The following SEC24A variants were observed in gnomAD, a reference collection of about 807,000 sequenced individuals.
SEC24A encodes protein transport protein Sec24A.
Under a neutral mutation model 129.4 loss-of-function variants are expected in SEC24A, and 93 were observed. That is an observed-to-expected ratio of 0.72 (90% confidence interval 0.61 to 0.85). The LOEUF (loss-of-function observed/expected upper bound fraction) is 0.85. Ranked by LOEUF, SEC24A falls within the 40% of genes least tolerant of loss-of-function variation. The pLI is 0.00. For missense variants in SEC24A, 1,264 were observed against 1,307.4 expected (o/e 0.97, Z 0.51); for synonymous variants, 460 against 467.3 (o/e 0.98, Z 0.20).
intron 1 of SEC24A, among the ~76,000 whole-genome samples, chr5:134,651,721 T>G (rs1750057527): frequency 6.6e-6 from 1 of 151,576 alleles, no homozygotes; most frequent in Non-Finnish European, 1.5e-5. Flanking sequence ...GACTCAGCCT[T>G]CCAAAGTGCT....
chr5:134,693,256 T>C, intron 12 of SEC24A: 2 of 1,457,564 alleles, frequency 1.4e-6, no homozygotes, highest in Non-Finnish European at 1.8e-6. Context: ...CCATTAACTC[T>C]ATTTGTACAA....
rs745465998 is a variant in SEC24A at position 134,708,806 on chromosome 5, T to C, written c.2645T>C (p.Val882Ala). 6 of 1,614,166 alleles carry C rather than the reference T, an allele frequency of 3.7e-6. No homozygotes were observed. The highest frequency in any genetic ancestry group is 5.1e-6 in the Non-Finnish European group (6 of 1,180,038). ...TCCCTTTCAGCTTACCGTTCTTCAG[T>C]CTTAAGTAACCAGCAGCCTGGACTC... ...IDSLSAYRSS[V>A]LSNQQPGLMV... The change falls in exon 18 of 23, where the codon GTC (valine) becomes GCC (alanine). Residue 882 changes from valine to alanine, a missense_variant. Physicochemically the swap from Val to Ala is moderately conservative, Grantham distance 64. Transcript: ENST00000398844.
At chr5:134,657,595 GAC>G (rs1483172379) in intron 1 of SEC24A, among the ~76,000 whole-genome samples, 1 of 151,948 alleles carries the variant, frequency 6.6e-6, no homozygotes, top group Non-Finnish European at 1.5e-5. Flanking sequence ...TTTTACTTCT[GAC>G]ACAGGTTCTC....
chr5:134,682,242 C>CAAA, intron 8 of SEC24A, 131 bp from the exon 9 acceptor site: 7 of 420,230 alleles, frequency 1.7e-5, no homozygotes, highest in East Asian at 4.3e-5. Context: ...AACTCTGTCT[C>CAAA]AAAAAAAAAA....
chr5:134,679,702 G>T lies in SEC24A; in HGVS notation c.1355G>T (p.Cys452Phe). The T allele has an allele frequency of 6.3e-7, 1 of 1,592,324 alleles. No individual in the cohort carries two copies. Among genetic ancestry groups the T allele is most frequent in the Non-Finnish European group, 8.6e-7 (1 of 1,166,216 alleles). ...VSFLDQRRWK[C>F]NLCYRVNDVP... Reference sequence around the variant, plus strand: ...TTTCTTGATCAAAGGAGATGGAAGTGTAACTTATGTTATCGAGTCAATGAT... The same window carrying T: ...TTTCTTGATCAAAGGAGATGGAAGTTTAACTTATGTTATCGAGTCAATGAT... Residue 452 changes from cysteine to phenylalanine, a missense_variant, in exon 8 of 23, where the codon TGT (cysteine) becomes TTT (phenylalanine). By Grantham distance (205) the Cys-to-Phe change is radical. Transcript: ENST00000398844.
intron 13 of SEC24A, among the ~76,000 whole-genome samples, chr5:134,696,511 T>G (rs1374297124): frequency 6.6e-6 from 1 of 152,172 alleles, no homozygotes; most frequent in Non-Finnish European, 1.5e-5. Context: ...CATATATATA[T>G]TTTTTCAGAC....
intron 8 of SEC24A, 37 bp downstream of exon 8, chr5:134,679,765 A>C (rs1465274153): frequency 6.7e-7 from 1 of 1,500,956 alleles, no homozygotes; most frequent in South Asian, 1.3e-5. Context: ...AAACGTTTCT[A>C]CTTGCATTGT....
Position 134,661,500 on chromosome 5 carries a change from C to A in SEC24A, c.479C>A (p.Thr160Asn). The change falls in exon 2 of 23, where the codon ACT (threonine) becomes AAT (asparagine). Residue 160 changes from threonine to asparagine, a missense_variant. Thr to Asn is a moderately conservative substitution (Grantham distance 65). Coordinates refer to ENST00000398844, the MANE Select transcript of SEC24A (RefSeq NM_021982.3). ...TGTCCTCGTGCATCATCCCAACCAACTGTATCTGGAAATACAAGTTTAACC... is the reference window on the plus strand; with the variant it reads ...TGTCCTCGTGCATCATCCCAACCAAATGTATCTGGAAATACAAGTTTAACC... ...NHCPRASSQP[T>N]VSGNTSLTTN... The A allele has an allele frequency of 6.2e-7, 1 of 1,614,206 alleles. No homozygotes were observed. Among genetic ancestry groups the A allele is most frequent in the East Asian group, 2.2e-5 (1 of 44,890 alleles).
chr5:134,723,791 A>G, intron 22 of SEC24A, 121 bp downstream of exon 22: 2 of 627,202 alleles, frequency 3.2e-6, no homozygotes, highest in Non-Finnish European at 5.6e-6. Context: ...AATAGCAGTA[A>G]ATCATACCTT....
chr5:134,689,984 G>A (rs916495751), intron 11 of SEC24A, among the ~76,000 whole-genome samples: 1 of 151,962 alleles, frequency 6.6e-6, no homozygotes, highest in East Asian at 1.9e-4. Context: ...CCAGGGGCTG[G>A]GGGGGGAGGG....
chr5:134,707,511 A>G (rs1187256889), intron 17 of SEC24A, among the ~76,000 whole-genome samples: 3 of 151,658 alleles, frequency 2.0e-5, no homozygotes, highest in Non-Finnish European at 4.4e-5. Context: ...TTGTATTTTT[A>G]GTAGAGACGG....
Position 134,723,687 on chromosome 5 carries a change from A to G in SEC24A, c.3167+17A>G. 1 of 1,455,206 alleles carries G rather than the reference A, an allele frequency of 6.9e-7. No individual in the cohort carries two copies. Among genetic ancestry groups the G allele is most frequent in the Non-Finnish European group, 9.6e-7 (1 of 1,036,924 alleles). The allele number at this position is 1,455,206 out of a possible 1,614,324, so 90.1% of individuals were successfully genotyped here. A position where few individuals can be genotyped will look rare whatever the true frequency, so the allele number is the denominator to read the frequency against. On this transcript the variant is annotated intron_variant, in intron 22 of 22. Transcript: ENST00000398844. ...TGTAATAAGGTAAGTTGAATTTTCC[A>G]TTTGCTAGTAGTAAAACAATTTGTT...
chr5:134,677,552 T>TA (rs1751109638), intron 7 of SEC24A, among the ~76,000 whole-genome samples: 1 of 132,490 alleles, frequency 7.5e-6, no homozygotes, highest in African/African-American at 2.9e-5. Context: ...AAAAAAAAAA[T>TA]AAAGGCCAGG....
At chr5:134,650,508 A>T (rs1024125617) in intron 1 of SEC24A, among the ~76,000 whole-genome samples, 3 of 151,824 alleles carry the variant, frequency 2.0e-5, no homozygotes, top group African/African-American at 4.8e-5. Context: ...TGTTGATTTG[A>T]TACAGTCCAA....
At chr5:134,704,257 A>G (rs972974449) in intron 16 of SEC24A, among the ~76,000 whole-genome samples, 2 of 151,926 alleles carry the variant, frequency 1.3e-5, no homozygotes, top group Non-Finnish European at 2.9e-5. Context: ...TTTAGTAGAG[A>G]TGGAGTTTTG....
At chr5:134,714,371 G>A (rs1485874705) in intron 18 of SEC24A, among the ~76,000 whole-genome samples, 2 of 152,194 alleles carry the variant, frequency 1.3e-5, no homozygotes, top group Non-Finnish European at 2.9e-5. Context: ...ACCAGTGGGC[G>A]AGGGAGCATT....
chr5:134,686,433 C>T (rs1024028627), intron 9 of SEC24A, among the ~76,000 whole-genome samples: 3 of 152,094 alleles, frequency 2.0e-5, no homozygotes, highest in East Asian at 1.9e-4. Context: ...GACGGGGTTT[C>T]GCCATGTTGG....
At chr5:134,715,407 A>G (rs764371526) in intron 19 of SEC24A, 1 of 367,898 alleles carries the variant, frequency 2.7e-6, no homozygotes, top group Non-Finnish European at 4.8e-6. Context: ...TGTCAAATTG[A>G]CCAGAGCAAC....
At chr5:134,703,329 G>C in intron 15 of SEC24A, among the ~76,000 whole-genome samples, 1 of 151,820 alleles carries the variant, frequency 6.6e-6, no homozygotes, top group Non-Finnish European at 1.5e-5. Context: ...GTGCAGTGGC[G>C]CAATCTTAGC....
Sources: allele counts gnomAD v4.1 joint callset (sites outside exome capture counted in the v4.1 genomes callset), GRCh38; gene constraint gnomAD v4.1.1; transcripts MANE v1.5; gene names NCBI Gene and HGNC (gene_info 2026-07-23, HGNC 2026-07-21).